FBXO40: variants seen among roughly 807,000 people sequenced by gnomAD.
The protein encoded by FBXO40 is F-box only protein 40.
In FBXO40, 50 loss-of-function variants were observed where a neutral mutation model predicts 49.9. The observed-to-expected ratio is 1.00, with a 90% CI of 0.80 to 1.27. The LOEUF (loss-of-function observed/expected upper bound fraction) is 1.27. FBXO40 is among the 50% of genes most tolerant of loss of function. The pLI is 0.00. For synonymous variants in FBXO40, 340 were observed against 320.2 expected, an observed-to-expected ratio of 1.06 and a Z score of -0.66; for missense variants, 895 against 870.1, an observed-to-expected ratio of 1.03 and a Z score of -0.36.
At chr3:121,608,024 T>C (rs1051733420) in intron 1 of FBXO40, among the ~76,000 whole-genome samples, 6 of 152,274 alleles carry the variant, frequency 3.9e-5, no homozygotes, top group Non-Finnish European at 5.9e-5. Context: ...TCGTGATCCC[T>C]GGCCCATTTT....
intron 1 of FBXO40, among the ~76,000 whole-genome samples, chr3:121,605,614 G>T (rs1355361517): frequency 6.6e-6 from 1 of 152,090 alleles, no homozygotes; most frequent in Non-Finnish European, 1.5e-5. Context: ...CTTCAAAACT[G>T]GAGTTTTTGA....
At chr3:121,604,797 G>T (rs1166802188) in intron 1 of FBXO40, among the ~76,000 whole-genome samples, 1 of 152,006 alleles carries the variant, frequency 6.6e-6, no homozygotes, top group Non-Finnish European at 1.5e-5. Context: ...AGCCCATGGG[G>T]TATCATTGGC....
chr3:121,599,277 GGCCAACATGGCAAAACC>G (rs1255732755), intron 1 of FBXO40, among the ~76,000 whole-genome samples: 1 of 152,016 alleles, frequency 6.6e-6, no homozygotes, highest in Admixed American at 6.6e-5. Context: ...AGACCAGCCT[GGCCAACATGGCAAAACC>G]CCGTCTCTAC....
chr3:121,623,259 G>T lies in FBXO40; in HGVS notation c.1830G>T (p.Leu610Phe), dbSNP rs751068036. 1.3e-5 allele frequency: 21 copies of T among 1,614,070 alleles called. No individual in the cohort carries two copies. Among genetic ancestry groups the T allele is most frequent in the East Asian group, 2.2e-5 (1 of 44,898 alleles). ...TGATGAGGAATATCTGTGCCACTTT[G>T]TTACAAGAGAGAGGAATGGTCCTTT... The part of the protein sequence containing the change: ...SVLMRNICAT[L>F]LQERGMVLLQ... The change falls in exon 3 of 4, where the codon TTG becomes TTT. Residue 610 changes from leucine to phenylalanine, a missense_variant. Coordinates refer to ENST00000338040, the MANE Select transcript of FBXO40 (RefSeq NM_016298.4).
At chr3:121,623,455 C>A (rs2049045587) in intron 3 of FBXO40, 112 bp downstream of exon 3, 1 of 856,774 alleles carries the variant, frequency 1.2e-6, no homozygotes, top group Non-Finnish European at 1.8e-6. Flanking sequence ...GCAATCACAG[C>A]CTTGAACTTC....
Position 121,622,382 on chromosome 3 carries a change from T to A in FBXO40, c.953T>A (p.Leu318Gln). 1 of 1,614,152 alleles carries A rather than the reference T, an allele frequency of 6.2e-7. No individual in the cohort carries two copies. Among genetic ancestry groups the A allele is most frequent in the Middle Eastern group, 1.6e-4 (1 of 6,062 alleles). Residue 318 changes from leucine (L) to glutamine (Q), a missense_variant, in exon 3 of 4, where the codon CTG (leucine) becomes CAG (glutamine). Transcript: ENST00000338040. ...TATCTAGTGCACAATGGGCGGATGC[T>A]GATACACTTTGGTCAGATGCCTGCT... ...NMYLVHNGRM[L>Q]IHFGQMPACT...
At position 121,623,247 on chromosome 3, in the gene FBXO40, CT is replaced by C; in HGVS notation, c.1819del (p.Cys607ValfsTer58). 1 of 1,614,196 alleles carries C rather than the reference CT, an allele frequency of 6.2e-7. No individual in the cohort carries two copies. The highest frequency in any genetic ancestry group is 8.5e-7 in the Non-Finnish European group (1 of 1,180,040). On this transcript the variant is annotated frameshift_variant, in exon 3 of 4. Coordinates refer to ENST00000338040, the MANE Select transcript of FBXO40 (RefSeq NM_016298.4). LOFTEE classifies it high-confidence loss of function. ...SQVSVLMRNICATLLQERGMV... is the reference protein window; with the variant it reads ...SQVSVLMRNIXATLLQERGMV... ...AGGTGTCTGTGCTGATGAGGAATATCTGTGCCACTTTGTTACAAGAGAGAGG... is the reference window on the plus strand; with the variant it reads ...AGGTGTCTGTGCTGATGAGGAATATCGTGCCACTTTGTTACAAGAGAGAGG...
At chr3:121,598,417 C>G (rs1006236677) in intron 1 of FBXO40, among the ~76,000 whole-genome samples, 1 of 152,196 alleles carries the variant, frequency 6.6e-6, no homozygotes, top group Non-Finnish European at 1.5e-5. Context: ...TATTGCCAAT[C>G]CATTCTCCCC....
intron 1 of FBXO40, among the ~76,000 whole-genome samples, chr3:121,606,114 C>G (rs1258793710): frequency 1.3e-5 from 2 of 152,146 alleles, no homozygotes; most frequent in East Asian, 3.8e-4. Flanking sequence ...AAAAGACGAC[C>G]AGGAGGAGGA....
intron 1 of FBXO40, among the ~76,000 whole-genome samples, chr3:121,602,009 C>G (rs1438422807): frequency 6.6e-6 from 1 of 152,244 alleles, no homozygotes; most frequent in African/African-American, 2.4e-5. Flanking sequence ...AAATGCCACA[C>G]TTGCTCTGGC....
intron 1 of FBXO40, among the ~76,000 whole-genome samples, chr3:121,599,507 A>G (rs888875924): frequency 1.3e-5 from 2 of 150,698 alleles, no homozygotes; most frequent in Non-Finnish European, 3.0e-5. Context: ...AGGCATAGTA[A>G]TTAAAAGGGA....
In FBXO40 at chr3:121,621,972, A is replaced by G; in HGVS notation, c.543A>G (p.Val181=). The part of the protein sequence containing the change: ...GAVGGVDIGL[V]PHGLSATNGE... ...TGGGTGGAGTGGATATCGGTTTGGTACCACATGGTCTGTCAGCAACTAATG... is the reference window on the plus strand; with the variant it reads ...TGGGTGGAGTGGATATCGGTTTGGTGCCACATGGTCTGTCAGCAACTAATG... Residue 181 remains valine, a synonymous_variant, in exon 3 of 4, where the codon GTA becomes GTG. Coordinates refer to ENST00000338040, the MANE Select transcript of FBXO40 (RefSeq NM_016298.4). 6.2e-7 allele frequency: 1 copy of G among 1,614,184 alleles called. No homozygotes were observed. Among genetic ancestry groups the G allele is most frequent in the South Asian group, 1.1e-5 (1 of 91,086 alleles).
At chr3:121,606,269 G>A (rs1335268511) in intron 1 of FBXO40, among the ~76,000 whole-genome samples, 2 of 152,186 alleles carry the variant, frequency 1.3e-5, no homozygotes, top group Non-Finnish European at 2.9e-5. Flanking sequence ...TGTCAGAAGT[G>A]TAGACCTTCT....
intron 3 of FBXO40, among the ~76,000 whole-genome samples, chr3:121,625,517 T>C (rs1244972350): frequency 6.6e-6 from 1 of 152,212 alleles, no homozygotes; most frequent in Non-Finnish European, 1.5e-5. Context: ...AAGTGTTAAA[T>C]AAACACTGAT....
At chr3:121,605,707 G>C (rs536979178) in intron 1 of FBXO40, among the ~76,000 whole-genome samples, 1 of 152,356 alleles carries the variant, frequency 6.6e-6, no homozygotes, top group Admixed American at 6.5e-5. Flanking sequence ...CATTTACTGA[G>C]AATGGCTTCC....
chr3:121,593,868 C>A (rs1171069799), intron 1 of FBXO40, among the ~76,000 whole-genome samples: 2 of 151,944 alleles, frequency 1.3e-5, no homozygotes, highest in Admixed American at 6.6e-5. Flanking sequence ...GATTTCTATT[C>A]CCTTTTCTTT....
intron 1 of FBXO40, among the ~76,000 whole-genome samples, chr3:121,602,583 G>A (rs112439463): frequency 1.3e-5 from 2 of 151,956 alleles, no homozygotes; most frequent in African/African-American, 4.8e-5. Flanking sequence ...ACTGTCATTG[G>A]TCTCACCCAT....
chr3:121,594,223 C>A (rs2048858024), intron 1 of FBXO40, among the ~76,000 whole-genome samples: 1 of 143,666 alleles, frequency 7.0e-6, no homozygotes, highest in Non-Finnish European at 1.5e-5. Context: ...TTTTTTGAGA[C>A]AGAGTCTCAC....
Position 121,602,758 on chromosome 3 carries a change from C to A in FBXO40, c.-31+9256C>A, listed in dbSNP as rs991606622. On this transcript the variant is annotated intron_variant, in intron 1 of 3. Coordinates refer to ENST00000338040, the MANE Select transcript of FBXO40 (RefSeq NM_016298.4). ...CTTTAGCCTAATATTTAAACATTTC[C>A]ACATTAAGTCCATAATGGACTCTTT... 4.1e-4 allele frequency among the ~76,000 whole-genome samples: 63 copies of A among 152,200 alleles called. 3 individuals carry two copies. Among genetic ancestry groups the A allele is most frequent in the Admixed American group, 3.2e-3 (49 of 15,290 alleles).
Sources: allele counts gnomAD v4.1 joint callset (sites outside exome capture counted in the v4.1 genomes callset), GRCh38; gene constraint gnomAD v4.1.1; transcripts MANE v1.5; gene names NCBI Gene and HGNC (gene_info 2026-07-23, HGNC 2026-07-21).